The following ZBTB20 variants were observed in gnomAD, a reference collection of about 807,000 sequenced individuals.
ZBTB20 encodes the protein zinc finger and BTB domain-containing protein 20.
Under a neutral mutation model 56.9 loss-of-function variants are expected in ZBTB20, and 9 were observed. That is an observed-to-expected ratio of 0.16 (90% CI 0.10 to 0.28). ZBTB20 has a LOEUF of 0.28. ZBTB20 is among the 10% of genes least tolerant of loss of function. The pLI, the probability that ZBTB20 is intolerant of heterozygous loss-of-function variation, is 1.00. For synonymous variants in ZBTB20, 417 were observed against 420.7 expected (o/e 0.99, Z 0.11); for missense variants, 655 against 1,003.0 (o/e 0.65, Z 4.69).
chr3:114,652,117 T>A (rs1450985063), intron 6 of ZBTB20, among the ~76,000 whole-genome samples: 1 of 152,086 alleles, frequency 6.6e-6, no homozygotes, highest in Admixed American at 6.6e-5. Context: ...CACCTATGTA[T>A]AAATATGTAT....
chr3:114,412,566 CATA>C (rs558361279), intron 7 of ZBTB20, among the ~76,000 whole-genome samples: 68 of 152,234 alleles, frequency 4.5e-4, no homozygotes, highest in Non-Finnish European at 6.9e-4. Flanking sequence ...GCCACCCACT[CATA>C]ATGAGTCATT....
intron 5 of ZBTB20, among the ~76,000 whole-genome samples, chr3:114,716,180 C>G (rs1013038955): frequency 2.0e-5 from 3 of 152,186 alleles, no homozygotes; most frequent in Non-Finnish European, 2.9e-5. Context: ...TTCAGTTTCT[C>G]CTCCTGAAGG....
intron 5 of ZBTB20, among the ~76,000 whole-genome samples, chr3:114,718,027 A>T (rs569131252): frequency 1.3e-5 from 2 of 152,266 alleles, no homozygotes; most frequent in East Asian, 3.9e-4. Flanking sequence ...ATTTGGAAAA[A>T]CAGTGGACTG....
intron 7 of ZBTB20, among the ~76,000 whole-genome samples, chr3:114,391,618 C>T (rs2085881348): frequency 6.6e-6 from 1 of 152,202 alleles, no homozygotes; most frequent in Admixed American, 6.5e-5. Context: ...ACTCTGAGTA[C>T]CCTATAGTGG....
chr3:114,766,955 G>C (rs1313257815), intron 5 of ZBTB20, among the ~76,000 whole-genome samples: 1 of 152,070 alleles, frequency 6.6e-6, no homozygotes, highest in East Asian at 1.9e-4. Context: ...AGTGAAGAGA[G>C]CTATTCCCTC....
chr3:114,512,136 A>G (rs905001942), intron 6 of ZBTB20, among the ~76,000 whole-genome samples: 2 of 152,182 alleles, frequency 1.3e-5, no homozygotes, highest in Non-Finnish European at 2.9e-5. Context: ...TTCATGCAAA[A>G]TTGGTCCAAC....
intron 5 of ZBTB20, among the ~76,000 whole-genome samples, chr3:114,740,196 A>C (rs1225904839): frequency 6.6e-6 from 1 of 152,236 alleles, no homozygotes; most frequent in Non-Finnish European, 1.5e-5. Context: ...AATGTATATC[A>C]AAAAGTTGCT....
At chr3:114,484,062 T>C (rs2041845259) in intron 7 of ZBTB20, among the ~76,000 whole-genome samples, 1 of 152,158 alleles carries the variant, frequency 6.6e-6, no homozygotes, top group African/African-American at 2.4e-5. Flanking sequence ...AAGTAACTGC[T>C]AAGGTCACAT....
At chr3:115,142,222 TGTC>T (rs1454658019) in intron 1 of ZBTB20, among the ~76,000 whole-genome samples, 1 of 152,230 alleles carries the variant, frequency 6.6e-6, no homozygotes, top group Non-Finnish European at 1.5e-5. Context: ...AGTATTGATA[TGTC>T]TTTATTCAAA....
At chr3:114,996,191 A>ATCTTATTTTTT (rs1232998908) in intron 2 of ZBTB20, among the ~76,000 whole-genome samples, 1 of 151,786 alleles carries the variant, frequency 6.6e-6, no homozygotes, top group African/African-American at 2.4e-5. Context: ...ATGGTGAGAA[A>ATCTTATTTTTT]TCTTATTTTT....
chr3:114,477,318 T>C (rs182937630), intron 7 of ZBTB20, among the ~76,000 whole-genome samples: 5 of 152,264 alleles, frequency 3.3e-5, no homozygotes, highest in Admixed American at 6.5e-5. Flanking sequence ...GTTTGATGTG[T>C]ACTATCTCAT....
At chr3:114,593,281 CG>C (rs1438564321) in intron 6 of ZBTB20, among the ~76,000 whole-genome samples, 2 of 151,482 alleles carry the variant, frequency 1.3e-5, no homozygotes, top group Non-Finnish European at 2.9e-5. Context: ...TTCAATAAGG[CG>C]GGGTGGGAAT....
chr3:114,676,215 T>A (rs967881782), intron 6 of ZBTB20, among the ~76,000 whole-genome samples: 2 of 152,210 alleles, frequency 1.3e-5, no homozygotes, highest in Non-Finnish European at 2.9e-5. Context: ...AAATTACGTA[T>A]TCATTTGCAC....
chr3:114,729,608 G>A (rs1456295410), intron 5 of ZBTB20, among the ~76,000 whole-genome samples: 1 of 152,164 alleles, frequency 6.6e-6, no homozygotes, highest in Non-Finnish European at 1.5e-5. Context: ...GCCATCTTGG[G>A]AATTTGGGCT....
chr3:114,577,583 G>C (rs2054218018), intron 6 of ZBTB20, among the ~76,000 whole-genome samples: 1 of 152,150 alleles, frequency 6.6e-6, no homozygotes, highest in Non-Finnish European at 1.5e-5. Flanking sequence ...GCTGAAATCT[G>C]GATCTAGAAT....
At chr3:114,611,395 G>A (rs2057540341) in intron 6 of ZBTB20, among the ~76,000 whole-genome samples, 1 of 152,154 alleles carries the variant, frequency 6.6e-6, no homozygotes, top group African/African-American at 2.4e-5. Flanking sequence ...AAGAGTCTGT[G>A]TGTCCCTGAG....
At chr3:115,031,476 C>A (rs2080676556) in intron 2 of ZBTB20, among the ~76,000 whole-genome samples, 2 of 151,366 alleles carry the variant, frequency 1.3e-5, no homozygotes. Context: ...AATTTACCAC[C>A]ACATTGCTTG....
chr3:114,964,273 G>C (rs918605394), intron 3 of ZBTB20, among the ~76,000 whole-genome samples: 10 of 152,176 alleles, frequency 6.6e-5, no homozygotes, highest in Admixed American at 3.9e-4. Context: ...AAATTAGCCA[G>C]GTGTGGTGGA....
chr3:114,907,989 G>A (rs1026405806), intron 3 of ZBTB20, among the ~76,000 whole-genome samples: 1 of 151,880 alleles, frequency 6.6e-6, no homozygotes, highest in Admixed American at 6.6e-5. Context: ...AGGGGGACCA[G>A]CAAAGAAATT....
Sources: gnomAD v4.1 joint callset for allele counts (sites outside exome capture counted in the v4.1 genomes callset) on GRCh38, gnomAD v4.1.1 for gene constraint, MANE v1.5 for transcripts, NCBI Gene and HGNC (gene_info 2026-07-23, HGNC 2026-07-21) for gene names.